The following NDRG4 variants were observed in gnomAD, a reference collection of about 807,000 sequenced individuals.
The protein encoded by NDRG4 is NDRG family member 4, also known as protein NDRG4.
In NDRG4, 38 loss-of-function variants were observed where a neutral mutation model predicts 55.8. The ratio of observed to expected loss-of-function variants is 0.68; its 90% confidence interval spans 0.53 to 0.89. NDRG4 has a LOEUF of 0.89. Among genes scored for constraint, NDRG4 ranks in the 40% least tolerant of loss-of-function variants. The pLI, the probability that NDRG4 is intolerant of heterozygous loss-of-function variation, is 0.00. For synonymous variants in NDRG4, 190 were observed against 182.7 expected (o/e 1.04, Z -0.32); for missense variants, 455 against 468.6 (o/e 0.97, Z 0.27).
At chr16:58,511,391 G>GT in intron 14 of NDRG4, 31 bp from the exon 15 acceptor site, 2 of 1,567,012 alleles carry the variant, frequency 1.3e-6, no homozygotes, top group Non-Finnish European at 1.7e-6. Flanking sequence ...CTGCCCGCCA[G>GT]TCCTCAGGCC....
chr16:58,485,150 T>G (rs1360798932), intron 1 of NDRG4, among the ~76,000 whole-genome samples: 1 of 152,118 alleles, frequency 6.6e-6, no homozygotes, highest in Non-Finnish European at 1.5e-5. Context: ...CCCAAAGTGC[T>G]GAGATTACAG....
rs989872050 is a variant in NDRG4 at position 58,465,129 on chromosome 16, C to T, written c.-24+1332C>T. 4.8e-5 allele frequency: 61 copies of T among 1,283,812 alleles called. 1 individual carries two copies. The South Asian group carries it at 6.9e-4, about 15-fold the overall frequency. 79.5% of individuals were successfully genotyped at this position (1,283,812 alleles called of 1,614,324 possible). A position where few individuals can be genotyped will look rare whatever the true frequency, so the allele number is the denominator to read the frequency against. ...TCGAGGAGTGACTTCTGTGTTCTCCCCGGTGTGGAGAGACCCAGACAGGAG... is the reference window on the plus strand; with the variant it reads ...TCGAGGAGTGACTTCTGTGTTCTCCTCGGTGTGGAGAGACCCAGACAGGAG... On this transcript the variant is annotated intron_variant, in intron 1 of 15. Transcript: ENST00000258187.
downstream of NDRG4, among the ~76,000 whole-genome samples, chr16:58,514,343 C>G (rs1207831345): frequency 6.6e-6 from 1 of 152,138 alleles, no homozygotes; most frequent in Non-Finnish European, 1.5e-5. Flanking sequence ...AATATTTTTT[C>G]TTTAGTCAAC....
chr16:58,513,892 AGGT>A (rs2039035775), downstream of NDRG4, among the ~76,000 whole-genome samples: 1 of 152,230 alleles, frequency 6.6e-6, no homozygotes, highest in Non-Finnish European at 1.5e-5. Context: ...TAGGAGGCAG[AGGT>A]GGTAGTGAGT....
chr16:58,475,468 C>T (rs1304671765), intron 1 of NDRG4: 23 of 362,980 alleles, frequency 6.3e-5, no homozygotes, highest in Non-Finnish European at 1.2e-4. Context: ...CCCACCCTTT[C>T]CTTTTTCCTT....
chr16:58,464,665 G>A lies in NDRG4; in HGVS notation c.-24+868G>A. On this transcript the variant is annotated intron_variant, in intron 1 of 15. Coordinates refer to the NDRG4 transcript ENST00000258187. This position sits in a 1 kb window ranked among gnomAD's most constrained non-coding sequence, Gnocchi z 4.8. ...CTTGAGGTTGTGGCGAGTCCCTGGC[G>A]CTGGCGTCCGGGCTGCGGGAGCACC... The A allele has an allele frequency of 1.9e-6, 2 of 1,035,676 alleles. No individual in the cohort carries two copies. The highest frequency in any genetic ancestry group is 2.5e-6 in the Non-Finnish European group (2 of 795,864). The allele number at this position is 1,035,676 out of a possible 1,614,324, so 64.2% of individuals were successfully genotyped here. A position where few individuals can be genotyped will look rare whatever the true frequency, so the allele number is the denominator to read the frequency against.
intron 1 of NDRG4, chr16:58,487,699 C>T (rs950187355): frequency 6.5e-6 from 9 of 1,385,138 alleles, no homozygotes; most frequent in Non-Finnish European, 8.8e-6. Flanking sequence ...TTGCGCTGTC[C>T]TTCTCCGCCC....
chr16:58,471,878 A>AGAGTGTGT (rs1051425086), intron 1 of NDRG4, among the ~76,000 whole-genome samples: 4 of 152,074 alleles, frequency 2.6e-5, no homozygotes, highest in Admixed American at 2.6e-4. Flanking sequence ...TCTTCTCCCC[A>AGAGTGTGT]GAGTGTGTGA....
chr16:58,508,646 C>T (rs999601413), intron 10 of NDRG4, among the ~76,000 whole-genome samples: 1 of 152,228 alleles, frequency 6.6e-6, no homozygotes, highest in Admixed American at 6.5e-5. Flanking sequence ...CCCCTCACCT[C>T]ACTGCCGAGG....
intron 1 of NDRG4, among the ~76,000 whole-genome samples, chr16:58,476,761 C>T (rs529394593): frequency 6.6e-6 from 1 of 152,278 alleles, no homozygotes; most frequent in African/African-American, 2.4e-5. Flanking sequence ...AGACATTGGA[C>T]TCGAAATGTG....
chr16:58,491,381 G>A (rs2035770195), intron 2 of NDRG4, among the ~76,000 whole-genome samples: 2 of 151,858 alleles, frequency 1.3e-5, no homozygotes, highest in East Asian at 1.9e-4. Context: ...AGCTAGTCTG[G>A]CTCTCTCAGG....
At chr16:58,488,104 C>T (rs1447190628) in intron 2 of NDRG4, among the ~76,000 whole-genome samples, 1 of 152,178 alleles carries the variant, frequency 6.6e-6, no homozygotes, top group Non-Finnish European at 1.5e-5. Context: ...ACGAGAAAAC[C>T]GAGGCACAGA....
At chr16:58,502,369 C>T (rs916952391) in intron 1 of NDRG4, among the ~76,000 whole-genome samples, 3 of 152,144 alleles carry the variant, frequency 2.0e-5, no homozygotes, top group Non-Finnish European at 2.9e-5. Flanking sequence ...CAATCAGCCG[C>T]ATGGCTCACC....
At chr16:58,511,297 C>G in intron 14 of NDRG4, 125 bp from the exon 15 acceptor site, 1 of 1,129,816 alleles carries the variant, frequency 8.9e-7, no homozygotes, top group Non-Finnish European at 1.3e-6. Flanking sequence ...CCTCCTGACT[C>G]AGGAGGAGCC....
chr16:58,506,749 A>G (rs1479902021), intron 7 of NDRG4, 135 bp downstream of exon 7: 13 of 1,220,274 alleles, frequency 1.1e-5, no homozygotes, highest in Admixed American at 2.1e-5. Flanking sequence ...AAAGACAGAC[A>G]TCCCCTCCCA....
chr16:58,507,342 C>T lies in NDRG4; in HGVS notation c.620+327C>T, dbSNP rs368612078. 256 of 422,598 alleles carry T rather than the reference C, an allele frequency of 6.1e-4. 7 individuals carry two copies. The South Asian group carries it at 7.1e-3, about 12-fold the overall frequency. The allele number at this position is 422,598 out of a possible 1,614,324, so 26.2% of individuals were successfully genotyped here. ...GACGTCTGCAAAATGAGGAAGAGGT[C>T]GGATGAGCCTGTGGTTTTCAAGCTG... On this transcript the variant is annotated intron_variant, in intron 8 of 14. Transcript: ENST00000570248.
intron 1 of NDRG4, among the ~76,000 whole-genome samples, chr16:58,476,995 A>G (rs1297050222): frequency 2.0e-5 from 3 of 152,056 alleles, no homozygotes; most frequent in Non-Finnish European, 2.9e-5. Flanking sequence ...AATATTATGG[A>G]TGAGAGCCAG....
At chr16:58,504,714 G>T (rs2037624455) in intron 5 of NDRG4, 65 bp downstream of exon 5, 3 of 1,572,552 alleles carry the variant, frequency 1.9e-6, no homozygotes, top group African/African-American at 2.7e-5. Context: ...CCAGTGGTGG[G>T]GACTGGGGGG....
At chr16:58,497,930 C>A (rs977596575), upstream of NDRG4, among the ~76,000 whole-genome samples, 1 of 151,950 alleles carries the variant, frequency 6.6e-6, no homozygotes. Context: ...CCCTGCTTTA[C>A]AATTAGAAGC....
Sources: gnomAD v4.1 joint callset for allele counts (sites outside exome capture counted in the v4.1 genomes callset) on GRCh38, gnomAD v4.1.1 for gene constraint, Gnocchi (gnomAD v3.1) non-coding constraint, MANE v1.5 for transcripts, NCBI Gene and HGNC (gene_info 2026-07-23, HGNC 2026-07-21) for gene names.